RELN: variants seen among roughly 807,000 people sequenced by gnomAD.
The protein encoded by RELN is reelin.
Under a neutral mutation model 427.6 loss-of-function variants are expected in RELN, and 108 were observed. That is an observed-to-expected ratio of 0.25 (90% CI 0.22 to 0.30). The LOEUF (loss-of-function observed/expected upper bound fraction) is 0.30, where lower values mean the gene tolerates loss of function less well. Ranked by LOEUF, RELN falls within the 10% of genes least tolerant of loss-of-function variation. RELN has a pLI of 1.00. For missense variants in RELN, 3,715 were observed against 4,302.8 expected (o/e 0.86, Z 3.82); for synonymous variants, 1,524 against 1,513.4 (o/e 1.01, Z -0.16).
chr7:103,541,519 T>C (rs1830177039), intron 43 of RELN, among the ~76,000 whole-genome samples: 1 of 152,236 alleles, frequency 6.6e-6, no homozygotes. Context: ...CAGGTCAATA[T>C]ATGCAAATCC....
intron 45 of RELN, among the ~76,000 whole-genome samples, chr7:103,537,431 A>G (rs763073905): frequency 2.6e-5 from 4 of 152,134 alleles, no homozygotes. Flanking sequence ...GACCTTACCA[A>G]GCACAAATCC....
At chr7:103,597,000 C>A (rs1169881106) in intron 24 of RELN, among the ~76,000 whole-genome samples, 2 of 152,138 alleles carry the variant, frequency 1.3e-5, no homozygotes, top group Non-Finnish European at 2.9e-5. Context: ...CTAGGCAGAA[C>A]CATGCAGATG....
chr7:103,798,577 T>C (rs1239589084), intron 3 of RELN, among the ~76,000 whole-genome samples: 2 of 152,156 alleles, frequency 1.3e-5, no homozygotes, highest in Non-Finnish European at 2.9e-5. Flanking sequence ...TTCTCAGATA[T>C]AGGATCTTAG....
At chr7:103,984,279 T>C (rs1797052196) in intron 1 of RELN, among the ~76,000 whole-genome samples, 1 of 152,078 alleles carries the variant, frequency 6.6e-6, no homozygotes, top group African/African-American at 2.4e-5. Flanking sequence ...TTTTTAAAGA[T>C]GGAAAGTCAA....
At chr7:103,906,714 G>T (rs542890271) in intron 2 of RELN, among the ~76,000 whole-genome samples, 2 of 152,276 alleles carry the variant, frequency 1.3e-5, no homozygotes, top group Admixed American at 6.5e-5. Context: ...CTTGGCTTTT[G>T]TACCTTATGG....
At chr7:103,917,316 A>AT (rs1227496574) in intron 1 of RELN, 131 bp from the exon 2 acceptor site, 13 of 720,666 alleles carry the variant, frequency 1.8e-5, no homozygotes, top group Admixed American at 1.7e-4. Context: ...CCTAGTTGGT[A>AT]TTTTTTGTAT....
intron 1 of RELN, among the ~76,000 whole-genome samples, chr7:103,937,924 G>T (rs992855877): frequency 6.6e-6 from 1 of 152,278 alleles, no homozygotes; most frequent in East Asian, 1.9e-4. Flanking sequence ...CTGACAATGA[G>T]ACACAGATCT....
intron 28 of RELN, among the ~76,000 whole-genome samples, chr7:103,587,942 T>C (rs137921049): frequency 0.018 from 2,714 of 152,286 alleles, 74 homozygotes; most frequent in African/African-American, 0.062. Flanking sequence ...TTGGTGGGAA[T>C]GTAAACTAGT....
At chr7:103,473,303 C>T (rs1262513829) in intron 64 of RELN, among the ~76,000 whole-genome samples, 1 of 152,112 alleles carries the variant, frequency 6.6e-6, no homozygotes, top group Admixed American at 6.5e-5. Flanking sequence ...ATATCTTTAA[C>T]AAGTAGGAAA....
chr7:103,982,613 G>A (rs1412932826), intron 1 of RELN, among the ~76,000 whole-genome samples: 1 of 152,102 alleles, frequency 6.6e-6, no homozygotes, highest in Non-Finnish European at 1.5e-5. Flanking sequence ...GGAAGCAAAG[G>A]AGGAAAGACA....
rs202224350 is a variant in RELN at position 103,486,343 on chromosome 7, G to C, written c.9837C>G (p.Thr3279=). The change falls in exon 61 of 65, where the codon ACC becomes ACG. Residue 3279 remains threonine (T), a synonymous_variant. Coordinates refer to ENST00000428762, the MANE Select transcript of RELN (RefSeq NM_005045.4). ...CTTGAATGGTCTCCCAGTTTGCCTC[G>C]GTGACTCTTGCGGACTCAAAATTAT... The part of the protein sequence containing the change: ...IKDNFESARV[T]EANWETIQGG... The C allele has an allele frequency of 8.1e-6, 13 of 1,613,932 alleles. No individual in the cohort carries two copies. The highest frequency in any genetic ancestry group is 1.1e-5 in the Non-Finnish European group (13 of 1,180,012).
intron 24 of RELN, among the ~76,000 whole-genome samples, chr7:103,601,478 T>C (rs1037027386): frequency 6.6e-6 from 1 of 152,232 alleles, no homozygotes; most frequent in East Asian, 1.9e-4. Context: ...CTTGGATTTC[T>C]GCCCAGATTC....
At chr7:103,574,373 C>A in intron 29 of RELN, 74 bp from the exon 30 acceptor site, 1 of 1,244,134 alleles carries the variant, frequency 8.0e-7, no homozygotes, top group South Asian at 1.2e-5. Context: ...AACACATGGG[C>A]AAAGGAAGAA....
At chr7:103,850,237 G>A (rs1205852973) in intron 2 of RELN, among the ~76,000 whole-genome samples, 1 of 152,210 alleles carries the variant, frequency 6.6e-6, no homozygotes, top group Non-Finnish European at 1.5e-5. Flanking sequence ...GACTGCTCCT[G>A]CAGGACCCAG....
intron 48 of RELN, among the ~76,000 whole-genome samples, chr7:103,521,134 G>T (rs977183737): frequency 2.7e-5 from 4 of 150,056 alleles, no homozygotes; most frequent in Non-Finnish European, 5.9e-5. Context: ...CCGCCACCGC[G>T]CCCGGCTAAT....
At chr7:103,625,230 C>G (rs778459029) in intron 20 of RELN, among the ~76,000 whole-genome samples, 2 of 152,170 alleles carry the variant, frequency 1.3e-5, no homozygotes, top group Non-Finnish European at 2.9e-5. Context: ...TCTATGATAA[C>G]ATATTCAGTG....
intron 3 of RELN, among the ~76,000 whole-genome samples, chr7:103,802,860 A>C (rs1792502750): frequency 6.6e-6 from 1 of 152,156 alleles, no homozygotes; most frequent in Non-Finnish European, 1.5e-5. Context: ...TGAAACAAAA[A>C]CAAAACCTCC....
At chr7:103,946,680 G>A (rs967925224) in intron 1 of RELN, among the ~76,000 whole-genome samples, 3 of 152,176 alleles carry the variant, frequency 2.0e-5, no homozygotes, top group Non-Finnish European at 2.9e-5. Flanking sequence ...TAACAATAGA[G>A]TTGCTATATA....
intron 1 of RELN, among the ~76,000 whole-genome samples, chr7:103,942,212 C>T (rs753358919): frequency 4.0e-4 from 61 of 152,252 alleles, no homozygotes; most frequent in Admixed American, 9.8e-4. Flanking sequence ...TTAATAGTTA[C>T]AGTCACCATG....
Sources: gnomAD v4.1 joint callset for allele counts (sites outside exome capture counted in the v4.1 genomes callset) on GRCh38, gnomAD v4.1.1 for gene constraint, MANE v1.5 for transcripts, NCBI Gene and HGNC (gene_info 2026-07-23, HGNC 2026-07-21) for gene names.